The following CTNNA3 variants were observed in gnomAD, a reference collection of about 807,000 sequenced individuals.
CTNNA3 encodes the protein catenin alpha-3.
In CTNNA3, 76 loss-of-function variants were observed where a neutral mutation model predicts 95.7. The ratio of observed to expected loss-of-function variants is 0.79; its 90% CI spans 0.66 to 0.96. The LOEUF (loss-of-function observed/expected upper bound fraction) is 0.96, where lower values mean the gene tolerates loss of function less well. Ranked by LOEUF, CTNNA3 falls within the 40% of genes least tolerant of loss-of-function variation. The pLI, the probability that CTNNA3 is intolerant of heterozygous loss-of-function variation, is 0.00. For missense variants in CTNNA3, 1,191 were observed against 1,089.8 expected, an observed-to-expected ratio of 1.09 and a Z score of -1.31; for synonymous variants, 431 against 374.4, an observed-to-expected ratio of 1.15 and a Z score of -1.74.
intron 7 of CTNNA3, among the ~76,000 whole-genome samples, chr10:67,167,766 A>G (rs145127122): frequency 3.3e-4 from 50 of 152,324 alleles, no homozygotes; most frequent in African/African-American, 1.2e-3. Context: ...GTAGCTCTAG[A>G]TATCCCTGAC....
At chr10:67,290,415 A>T (rs1473671927) in intron 5 of CTNNA3, among the ~76,000 whole-genome samples, 1 of 152,176 alleles carries the variant, frequency 6.6e-6, no homozygotes, top group Non-Finnish European at 1.5e-5. Flanking sequence ...AGGTGTAGAA[A>T]TACTGTGTCT....
chr10:67,727,298 T>C (rs1841240546), intron 1 of CTNNA3, among the ~76,000 whole-genome samples: 1 of 132,660 alleles, frequency 7.5e-6, no homozygotes. Context: ...TAGAATTTTA[T>C]ATATATTATA....
At chr10:66,003,916 T>C (rs2078826438) in intron 15 of CTNNA3, among the ~76,000 whole-genome samples, 1 of 152,222 alleles carries the variant, frequency 6.6e-6, no homozygotes, top group Admixed American at 6.5e-5. Context: ...AGCATGGACA[T>C]GCCCATAATT....
Position 67,529,759 on chromosome 10 carries a change from A to C in CTNNA3, c.460-7798T>G, listed in dbSNP as rs541170076. ...TAGGAAATTCATGACAAATCCAGCA[A>C]GTATGCCCTATTTGTCTCTATTTCT... On this transcript the variant is annotated intron_variant, in intron 4 of 17. Transcript: ENST00000433211. Among the ~76,000 whole-genome samples, 3 of 152,272 alleles carry C rather than the reference A, an allele frequency of 2.0e-5. No homozygotes were observed. The East Asian group carries it at 5.8e-4, about 29-fold the overall frequency.
At chr10:67,012,870 G>A (rs1374342089) in intron 7 of CTNNA3, 1 of 152,004 alleles carries the variant, frequency 6.6e-6, no homozygotes, top group Admixed American at 6.6e-5. Context: ...TGGGAAAAAT[G>A]TTACAGCTCC....
intron 12 of CTNNA3, among the ~76,000 whole-genome samples, chr10:66,358,943 C>T (rs925751560): frequency 6.6e-6 from 1 of 152,082 alleles, no homozygotes; most frequent in East Asian, 1.9e-4. Flanking sequence ...TCATTTTGTT[C>T]CTTAACATAT....
intron 9 of CTNNA3, among the ~76,000 whole-genome samples, chr10:66,715,139 C>A (rs999700650): frequency 6.6e-6 from 1 of 152,052 alleles, no homozygotes; most frequent in Non-Finnish European, 1.5e-5. Flanking sequence ...TTTCTGAGGG[C>A]TAATTTCAAT....
chr10:66,142,254 T>C (rs1001855256), intron 13 of CTNNA3, among the ~76,000 whole-genome samples: 3 of 152,208 alleles, frequency 2.0e-5, no homozygotes, highest in African/African-American at 7.2e-5. Context: ...AAACCATTTG[T>C]TGAAAAGACT....
At chr10:67,231,872 C>A (rs1393822436) in intron 5 of CTNNA3, among the ~76,000 whole-genome samples, 1 of 152,106 alleles carries the variant, frequency 6.6e-6, no homozygotes, top group Admixed American at 6.5e-5. Context: ...ATGCAGAAGC[C>A]TCAGGAGCCG....
chr10:67,732,624 T>C (rs577164037), intron 1 of CTNNA3, among the ~76,000 whole-genome samples: 4 of 152,166 alleles, frequency 2.6e-5, no homozygotes, highest in Non-Finnish European at 4.4e-5. Flanking sequence ...ACATATTTAG[T>C]TGAATAATGA....
chr10:67,341,947 T>C (rs535185326), intron 5 of CTNNA3, among the ~76,000 whole-genome samples: 2 of 152,038 alleles, frequency 1.3e-5, no homozygotes, highest in Non-Finnish European at 2.9e-5. Flanking sequence ...TGATGAGCAA[T>C]GATATTTAGC....
At chr10:66,057,949 T>C (rs946902304) in intron 15 of CTNNA3, among the ~76,000 whole-genome samples, 6 of 152,136 alleles carry the variant, frequency 3.9e-5, no homozygotes, top group African/African-American at 1.4e-4. Flanking sequence ...TCAAGTAATG[T>C]AAAAAATGGA....
chr10:66,136,500 T>TC (rs1481513308), intron 13 of CTNNA3, among the ~76,000 whole-genome samples: 2 of 152,006 alleles, frequency 1.3e-5, no homozygotes, highest in Non-Finnish European at 2.9e-5. Context: ...TTCTTCACTT[T>TC]TTTTTTTTGG....
intron 17 of CTNNA3, among the ~76,000 whole-genome samples, chr10:65,939,526 C>T (rs77170771): frequency 0.029 from 4,464 of 152,202 alleles, 109 homozygotes; most frequent in Non-Finnish European, 0.047. Context: ...TGAATATTCT[C>T]TTGATTTAAT....
chr10:66,467,643 G>A (rs1392681587), intron 11 of CTNNA3, among the ~76,000 whole-genome samples: 1 of 152,044 alleles, frequency 6.6e-6, no homozygotes, highest in Non-Finnish European at 1.5e-5. Flanking sequence ...TGTTGTGTAT[G>A]TGTGATATCA....
intron 7 of CTNNA3, among the ~76,000 whole-genome samples, chr10:66,866,228 G>T (rs560137071): frequency 6.6e-6 from 1 of 152,230 alleles, no homozygotes; most frequent in South Asian, 2.1e-4. Context: ...TCAGTACAGG[G>T]CCTTGTCCTT....
intron 7 of CTNNA3, among the ~76,000 whole-genome samples, chr10:66,855,660 GA>G (rs1192765164): frequency 6.6e-6 from 1 of 151,874 alleles, no homozygotes; most frequent in African/African-American, 2.4e-5. Context: ...GTGACAAGAT[GA>G]AAAACAATAT....
intron 12 of CTNNA3, among the ~76,000 whole-genome samples, chr10:66,323,859 C>A (rs918302703): frequency 9.9e-5 from 15 of 151,794 alleles, no homozygotes; most frequent in African/African-American, 3.6e-4. Context: ...AGATGAACAG[C>A]AGAATGACAC....
At chr10:66,210,203 T>C (rs1209288112) in intron 13 of CTNNA3, among the ~76,000 whole-genome samples, 5 of 151,714 alleles carry the variant, frequency 3.3e-5, no homozygotes, top group East Asian at 3.9e-4. Flanking sequence ...ATAAACTGTA[T>C]CATATATGGG....
Sources: gnomAD v4.1 joint callset for allele counts (sites outside exome capture counted in the v4.1 genomes callset) on GRCh38, gnomAD v4.1.1 for gene constraint, MANE v1.5 for transcripts, NCBI Gene and HGNC (gene_info 2026-07-23, HGNC 2026-07-21) for gene names.